The following ELAVL2 variants were observed in gnomAD, a reference collection of about 807,000 sequenced individuals.
ELAVL2 encodes ELAV like RNA binding protein 2.
A neutral mutation model predicts 34.6 loss-of-function variants in ELAVL2; 4 were observed. The observed-to-expected ratio is 0.12, with a 90% CI of 0.06 to 0.26. ELAVL2 has a LOEUF of 0.26. Ranked by LOEUF, ELAVL2 falls within the 10% of genes least tolerant of loss-of-function variation. The pLI is 1.00. For synonymous variants in ELAVL2, 193 were observed against 154.8 expected (o/e 1.25, Z -1.83); for missense variants, 432 against 442.8 (o/e 0.98, Z 0.22).
chr9:23,821,951 C>A (rs1181839756), intron 1 of ELAVL2: 2 of 151,476 alleles, frequency 1.3e-5, no homozygotes, highest in Non-Finnish European at 2.9e-5. Context: ...CCTGCCCGAC[C>A]GCCCTTCGGG....
At chr9:23,764,933 G>T in intron 1 of ELAVL2, 1 of 1,371,638 alleles carries the variant, frequency 7.3e-7, no homozygotes, top group Non-Finnish European at 1.0e-6. Context: ...AGATTCAAGT[G>T]TTTGGTATGG....
At chr9:23,776,708 T>C in intron 1 of ELAVL2, among the ~76,000 whole-genome samples, 1 of 136,916 alleles carries the variant, frequency 7.3e-6, no homozygotes, top group East Asian at 2.2e-4. Context: ...TAATCCCTTC[T>C]CTACCTGACC....
intron 1 of ELAVL2, among the ~76,000 whole-genome samples, chr9:23,763,611 CTG>C (rs999885909): frequency 3.0e-4 from 45 of 151,952 alleles, no homozygotes; most frequent in African/African-American, 1.1e-3. Flanking sequence ...AGAGAAAAAA[CTG>C]TCTTTTAAAA....
At chr9:23,737,035 G>C (rs544303590) in intron 2 of ELAVL2, among the ~76,000 whole-genome samples, 1 of 152,142 alleles carries the variant, frequency 6.6e-6, no homozygotes, top group African/African-American at 2.4e-5. Flanking sequence ...ACACTGTACA[G>C]TGCTCCTCTC....
chr9:23,819,458 A>C (rs1271217678), intron 1 of ELAVL2, among the ~76,000 whole-genome samples: 2 of 152,216 alleles, frequency 1.3e-5, no homozygotes, highest in African/African-American at 4.8e-5. Flanking sequence ...ACTGACCAGC[A>C]GTGGGTACTT....
intron 3 of ELAVL2, among the ~76,000 whole-genome samples, chr9:23,724,030 C>G (rs774330063): frequency 1.2e-4 from 18 of 152,184 alleles, no homozygotes; most frequent in Non-Finnish European, 2.5e-4. Flanking sequence ...CTGACATTCT[C>G]CATGCTGGTT....
intron 1 of ELAVL2, among the ~76,000 whole-genome samples, chr9:23,792,847 G>A (rs1005402185): frequency 5.3e-5 from 8 of 151,954 alleles, no homozygotes; most frequent in African/African-American, 1.7e-4. Flanking sequence ...CACAGCTCAC[G>A]GTGGCCTCCA....
At chr9:23,847,239 T>C in the ELAVL2 span, 1 of 152,098 alleles carries the variant, frequency 6.6e-6, no homozygotes, top group Non-Finnish European at 1.5e-5. Flanking sequence ...AACTCTAATG[T>C]CACTTCAGCC....
chr9:23,796,632 T>C (rs149536306), intron 1 of ELAVL2, among the ~76,000 whole-genome samples: 78 of 152,366 alleles, frequency 5.1e-4, no homozygotes, highest in Non-Finnish European at 6.6e-4. Flanking sequence ...ATAAGTAAGA[T>C]ATCTAGAGTT....
chr9:23,728,922 T>C lies in ELAVL2; in HGVS notation c.333+2100A>G, dbSNP rs146709429. Among the ~76,000 whole-genome samples, 21 of 152,228 alleles carry C rather than the reference T, an allele frequency of 1.4e-4. No individual in the cohort carries two copies. In the East Asian group the frequency reaches 3.5e-3, roughly 25 times the overall value. ...GGCGGGGAAAGAAGTAGCCTGCTAT[T>C]TGCCCATTACCCTGACCCACATCTC... On this transcript the variant is annotated intron_variant, in intron 3 of 6. Transcript: ENST00000397312.
chr9:23,764,813 G>A (rs988100251), intron 1 of ELAVL2, among the ~76,000 whole-genome samples: 5 of 152,028 alleles, frequency 3.3e-5, no homozygotes, highest in African/African-American at 1.2e-4. Flanking sequence ...CGAGAGCATG[G>A]TTCTGATGCT....
intron 1 of ELAVL2, chr9:23,783,470 C>A: frequency 1.0e-6 from 1 of 985,378 alleles, no homozygotes; most frequent in Non-Finnish European, 1.2e-6. Flanking sequence ...CATGCACTAA[C>A]CTGAAAACAA....
intron 4 of ELAVL2, among the ~76,000 whole-genome samples, chr9:23,704,044 T>G (rs1219318338): frequency 6.6e-6 from 1 of 152,082 alleles, no homozygotes; most frequent in East Asian, 1.9e-4. Flanking sequence ...GTGATTCTCC[T>G]GCCTCAGCCT....
At chr9:23,822,602 A>T (rs1447525463) in intron 1 of ELAVL2, among the ~76,000 whole-genome samples, 1 of 152,160 alleles carries the variant, frequency 6.6e-6, no homozygotes, top group Non-Finnish European at 1.5e-5. Context: ...CACGGCTGGA[A>T]GTCAAAACCC....
At chr9:23,809,706 T>A (rs531115938) in intron 1 of ELAVL2, among the ~76,000 whole-genome samples, 5 of 152,292 alleles carry the variant, frequency 3.3e-5, no homozygotes, top group African/African-American at 9.6e-5. Context: ...CCTGAATTTC[T>A]CCTAAAAACA....
At chr9:23,709,046 G>A (rs1212549801) in intron 3 of ELAVL2, among the ~76,000 whole-genome samples, 1 of 152,074 alleles carries the variant, frequency 6.6e-6, no homozygotes, top group African/African-American at 2.4e-5. Flanking sequence ...ATTAATTTTT[G>A]TTACTTTCTA....
chr9:23,841,081 T>C, the ELAVL2 span, among the ~76,000 whole-genome samples: 1 of 152,154 alleles, frequency 6.6e-6, no homozygotes, highest in Non-Finnish European at 1.5e-5. Context: ...TTAGTGGAGA[T>C]TAATTTATTA....
chr9:23,847,935 A>G, the ELAVL2 span, among the ~76,000 whole-genome samples: 1 of 152,036 alleles, frequency 6.6e-6, no homozygotes, highest in Non-Finnish European at 1.5e-5. Context: ...TTTAGGTAAA[A>G]ACTAAGTAAA....
At chr9:23,703,752 G>A (rs974201940) in intron 4 of ELAVL2, among the ~76,000 whole-genome samples, 2 of 151,880 alleles carry the variant, frequency 1.3e-5, no homozygotes, top group Non-Finnish European at 2.9e-5. Context: ...TACGGGTGGC[G>A]GGGAGAGAAA....
Sources: gnomAD v4.1 joint callset for allele counts (sites outside exome capture counted in the v4.1 genomes callset) on GRCh38, gnomAD v4.1.1 for gene constraint, MANE v1.5 for transcripts, NCBI Gene and HGNC (gene_info 2026-07-23, HGNC 2026-07-21) for gene names.